Variants in ELOVL7 observed in about 807,000 individuals in gnomAD.
ELOVL7 encodes the protein ELOVL fatty acid elongase 7, also known as very long chain fatty acid elongase 7.
Under a neutral mutation model 35.7 loss-of-function variants are expected in ELOVL7, and 27 were observed. The ratio of observed to expected loss-of-function variants is 0.76; its 90% CI spans 0.56 to 1.04. The LOEUF (loss-of-function observed/expected upper bound fraction) is 1.04. Ranked by LOEUF, ELOVL7 falls within the 50% of genes least tolerant of loss-of-function variation. ELOVL7 has a pLI of 0.00. For synonymous variants in ELOVL7, 113 were observed against 114.6 expected, an observed-to-expected ratio of 0.99 and a Z score of 0.09; for missense variants, 327 against 340.8, an observed-to-expected ratio of 0.96 and a Z score of 0.32.
At chr5:60,834,357 G>A (rs573061307) in intron 1 of ELOVL7, among the ~76,000 whole-genome samples, 5 of 152,180 alleles carry the variant, frequency 3.3e-5, no homozygotes, top group Non-Finnish European at 5.9e-5. Context: ...GTGTTAGCCA[G>A]GATGGTCTCC....
Position 60,773,281 on chromosome 5 carries a change from C to T in ELOVL7, c.65-1188G>A, listed in dbSNP as rs142460055. Among the ~76,000 whole-genome samples the T allele has an allele frequency of 2.2e-3, 332 of 152,304 alleles. 1 individual carries two copies. The highest frequency in any genetic ancestry group is 7.7e-3 in the African/African-American group (320 of 41,574). On this transcript the variant is annotated intron_variant, in intron 3 of 8. Coordinates refer to ENST00000508821, the MANE Select transcript of ELOVL7 (RefSeq NM_024930.3). ...GCCATGACTAACCTCAGGATGCTAA[C>T]TACTGTCACTTTTATCAATTGGAAA...
At chr5:60,774,996 C>T (rs949615619) in intron 3 of ELOVL7, among the ~76,000 whole-genome samples, 1 of 152,206 alleles carries the variant, frequency 6.6e-6, no homozygotes, top group South Asian at 2.1e-4. Flanking sequence ...AAACTCCTGA[C>T]CTCGTGATCT....
At chr5:60,757,445 T>C in intron 8 of ELOVL7, 64 bp downstream of exon 8, 1 of 1,522,134 alleles carries the variant, frequency 6.6e-7, no homozygotes, top group Middle Eastern at 1.8e-4. Flanking sequence ...GTATCCTAAT[T>C]CACAGTGAAA....
At chr5:60,809,957 T>A (rs500320) in intron 1 of ELOVL7, among the ~76,000 whole-genome samples, 4 of 152,204 alleles carry the variant, frequency 2.6e-5, no homozygotes, top group Non-Finnish European at 5.9e-5. Flanking sequence ...AATATTGAAC[T>A]CTACAACTCA....
Position 60,844,183 on chromosome 5 carries a change from G to T in ELOVL7, c.-109C>A, listed in dbSNP as rs1747359540. On this transcript the variant is annotated 5_prime_UTR_variant, in exon 1 of 9. Coordinates refer to ENST00000508821, the MANE Select transcript of ELOVL7 (RefSeq NM_024930.3). ...ACCGCACAGGGAGCGGAGCCGAAGC[G>T]CCGGGCGCGCGCGGGAGAGAGGGCG... The T allele has an allele frequency of 2.0e-5, 3 of 152,128 alleles. No individual in the cohort carries two copies. Among genetic ancestry groups the T allele is most frequent in the African/African-American group, 2.4e-5 (1 of 41,404 alleles). 9.4% of individuals were successfully genotyped at this position (152,128 alleles called of 1,614,324 possible).
At chr5:60,832,971 A>G (rs923290314) in intron 1 of ELOVL7, among the ~76,000 whole-genome samples, 5 of 152,196 alleles carry the variant, frequency 3.3e-5, no homozygotes, top group African/African-American at 1.2e-4. Flanking sequence ...TAGGCACAGC[A>G]TTGCATTGAC....
intron 3 of ELOVL7, among the ~76,000 whole-genome samples, chr5:60,785,467 T>C (rs918925852): frequency 8.5e-5 from 13 of 152,266 alleles, no homozygotes; most frequent in African/African-American, 3.1e-4. Context: ...ATTATTTGAG[T>C]CTCTTGGATT....
intron 1 of ELOVL7, among the ~76,000 whole-genome samples, chr5:60,804,431 C>T (rs978742542): frequency 2.0e-5 from 3 of 152,002 alleles, no homozygotes; most frequent in Non-Finnish European, 2.9e-5. Flanking sequence ...CTAGGCAGTG[C>T]GGAATGGGAG....
intron 4 of ELOVL7, among the ~76,000 whole-genome samples, chr5:60,770,483 G>C (rs1050469514): frequency 6.6e-6 from 1 of 152,128 alleles, no homozygotes; most frequent in East Asian, 1.9e-4. Flanking sequence ...TGGCTTCCAG[G>C]TATGTTCTTA....
chr5:60,820,829 C>T (rs1268452154), intron 1 of ELOVL7, among the ~76,000 whole-genome samples: 2 of 152,098 alleles, frequency 1.3e-5, no homozygotes, highest in Non-Finnish European at 2.9e-5. Flanking sequence ...CCTTCAACTC[C>T]ACTTCCTCCC....
chr5:60,801,690 A>C (rs1273135802), intron 1 of ELOVL7, among the ~76,000 whole-genome samples: 2 of 151,990 alleles, frequency 1.3e-5, no homozygotes, highest in African/African-American at 4.8e-5. Flanking sequence ...GTGACAGAAC[A>C]AGATCCTGTC....
chr5:60,840,195 A>C (rs928324583), intron 1 of ELOVL7, among the ~76,000 whole-genome samples: 1 of 152,134 alleles, frequency 6.6e-6, no homozygotes, highest in Non-Finnish European at 1.5e-5. Context: ...CCCAAAGAGG[A>C]TATGTTGAAA....
chr5:60,828,795 AT>A (rs1195344770), intron 1 of ELOVL7, among the ~76,000 whole-genome samples: 1 of 152,182 alleles, frequency 6.6e-6, no homozygotes, highest in Non-Finnish European at 1.5e-5. Flanking sequence ...TTCTTGTGAT[AT>A]TTATATAATT....
chr5:60,781,178 T>A (rs1388347106), intron 3 of ELOVL7, among the ~76,000 whole-genome samples: 1 of 144,840 alleles, frequency 6.9e-6, no homozygotes, highest in Non-Finnish European at 1.5e-5. Flanking sequence ...GCCATTGCAC[T>A]CCAGCCTGGG....
intron 3 of ELOVL7, among the ~76,000 whole-genome samples, chr5:60,781,076 G>A (rs1268632856): frequency 1.3e-5 from 2 of 152,094 alleles, no homozygotes; most frequent in African/African-American, 4.8e-5. Context: ...TAGGCATAGT[G>A]GCGCACGCCT....
At chr5:60,801,758 A>C (rs1427254100) in intron 1 of ELOVL7, among the ~76,000 whole-genome samples, 5 of 151,350 alleles carry the variant, frequency 3.3e-5, no homozygotes, top group African/African-American at 1.2e-4. Flanking sequence ...AAGGAAGGAT[A>C]AGCAGCTTGC....
At chr5:60,780,753 G>A (rs1472154288) in intron 3 of ELOVL7, among the ~76,000 whole-genome samples, 1 of 152,126 alleles carries the variant, frequency 6.6e-6, no homozygotes, top group Non-Finnish European at 1.5e-5. Context: ...CAGATCTTGT[G>A]AAAACTCACA....
chr5:60,778,368 C>G lies in ELOVL7; in HGVS notation c.65-6275G>C, dbSNP rs77828076. Among the ~76,000 whole-genome samples the G allele has an allele frequency of 7.2e-3, 1,101 of 152,326 alleles. 10 individuals are homozygous for G. The highest frequency in any genetic ancestry group is 0.025 in the African/African-American group (1,055 of 41,566). On this transcript the variant is annotated intron_variant, in intron 3 of 8. Transcript: ENST00000508821. The stretch of plus-strand genomic sequence containing the variant: ...ATGAACATCATTGTATTAGTCCACT[C>G]ATGCACTGCTATGAAGAAATACCCG...
chr5:60,797,803 T>C lies in ELOVL7; in HGVS notation c.-35+1377A>G, dbSNP rs1744355413. On this transcript the variant is annotated intron_variant, in intron 2 of 8. Coordinates refer to ENST00000508821, the MANE Select transcript of ELOVL7 (RefSeq NM_024930.3). ...CATGGAAATGGGAAAGGAAAATATC[T>C]TGGGCCCCCAAAGTCACTAAAGGGA... Among the ~76,000 whole-genome samples the C allele has an allele frequency of 2.6e-5, 4 of 152,322 alleles. No individual in the cohort carries two copies. The South Asian group carries it at 8.3e-4, about 32-fold the overall frequency.
Sources: allele counts gnomAD v4.1 joint callset (sites outside exome capture counted in the v4.1 genomes callset), GRCh38; gene constraint gnomAD v4.1.1; transcripts MANE v1.5; gene names NCBI Gene and HGNC (gene_info 2026-07-23, HGNC 2026-07-21).